Variants in SETBP1 observed in about 807,000 individuals in gnomAD.
SETBP1 encodes SET binding protein 1.
A neutral mutation model predicts 101.0 loss-of-function variants in SETBP1; 9 were observed. The ratio of observed to expected loss-of-function variants is 0.09; its 90% CI spans 0.05 to 0.16. SETBP1 has a LOEUF of 0.16. Among genes scored for constraint, SETBP1 ranks in the 10% least tolerant of loss-of-function variants. The pLI, the probability that SETBP1 is intolerant of heterozygous loss-of-function variation, is 1.00. For missense variants in SETBP1, 1,858 were observed against 2,033.8 expected, an observed-to-expected ratio of 0.91 and a Z score of 1.66; for synonymous variants, 818 against 788.5, an observed-to-expected ratio of 1.04 and a Z score of -0.63.
intron 3 of SETBP1, among the ~76,000 whole-genome samples, chr18:44,901,326 T>C (rs920418857): frequency 3.3e-5 from 5 of 152,194 alleles, no homozygotes; most frequent in South Asian, 2.1e-4. Context: ...AGCAATGGCA[T>C]TGAAAAGTTG....
chr18:45,033,112 T>C (rs1321732115), intron 4 of SETBP1, among the ~76,000 whole-genome samples: 3 of 152,224 alleles, frequency 2.0e-5, no homozygotes, highest in South Asian at 2.1e-4. Flanking sequence ...ATGAAGTTCA[T>C]TTGCAAACAA....
chr18:45,025,395 C>T (rs1333064185), intron 4 of SETBP1, among the ~76,000 whole-genome samples: 2 of 152,166 alleles, frequency 1.3e-5, no homozygotes, highest in Non-Finnish European at 2.9e-5. Context: ...TTCTCCTCAT[C>T]CAATTGCTAA....
At chr18:45,038,200 G>A (rs954878629) in intron 4 of SETBP1, among the ~76,000 whole-genome samples, 3 of 152,100 alleles carry the variant, frequency 2.0e-5, no homozygotes, top group African/African-American at 7.2e-5. Context: ...TCCTCAAAAG[G>A]CAAAGGGGCA....
intron 4 of SETBP1, among the ~76,000 whole-genome samples, chr18:45,028,046 A>G (rs1362693722): frequency 6.6e-6 from 1 of 151,944 alleles, no homozygotes; most frequent in East Asian, 1.9e-4. Flanking sequence ...GTTTTAGGGT[A>G]CATGTGCACA....
intron 3 of SETBP1, among the ~76,000 whole-genome samples, chr18:44,879,959 G>T (rs759269447): frequency 8.5e-5 from 13 of 152,172 alleles, no homozygotes; most frequent in Non-Finnish European, 1.5e-4. Flanking sequence ...TTCAACCACA[G>T]AGTATTGCCT....
At chr18:44,885,176 C>T (rs978560195) in intron 3 of SETBP1, among the ~76,000 whole-genome samples, 21 of 152,070 alleles carry the variant, frequency 1.4e-4, no homozygotes, top group African/African-American at 5.1e-4. Flanking sequence ...TAAGAAATTC[C>T]CTTTGCAACC....
At chr18:44,972,596 C>T (rs1468730623) in intron 4 of SETBP1, among the ~76,000 whole-genome samples, 2 of 152,124 alleles carry the variant, frequency 1.3e-5, no homozygotes, top group Non-Finnish European at 2.9e-5. Flanking sequence ...CTTCACATCC[C>T]TTGTAAGTTG....
chr18:45,039,030 A>T (rs1599482198), intron 5 of SETBP1, among the ~76,000 whole-genome samples: 1 of 152,122 alleles, frequency 6.6e-6, no homozygotes, highest in Non-Finnish European at 1.5e-5. Context: ...TTGTATCCTC[A>T]TTTTCAGAAG....
At chr18:44,947,330 AGGAGTTAGG>A (rs2071230360) in intron 3 of SETBP1, among the ~76,000 whole-genome samples, 1 of 152,036 alleles carries the variant, frequency 6.6e-6, no homozygotes, top group African/African-American at 2.4e-5. Flanking sequence ...AAAAAACGGT[AGGAGTTAGG>A]GCCCAAGATC....
intron 5 of SETBP1, among the ~76,000 whole-genome samples, chr18:45,049,320 T>C (rs2145545013): frequency 6.6e-6 from 1 of 152,258 alleles, no homozygotes; most frequent in East Asian, 1.9e-4. Flanking sequence ...AAGGGAAATT[T>C]GAGATCAGAA....
rs531974601 is a variant in SETBP1, at chr18:44,703,348, G to GTTTTTTTTTTTTTTTTTTTTTTTTT, written c.486+1538_486+1562dup. ...TCCATAGCATTTCTGTTACCATTAG[G>GTTTTTTTTTTTTTTTTTTTTTTTTT]TTTTTTTTTTTTTTTTTTTTTTTTT... On this transcript the variant is annotated intron_variant, in intron 2 of 5. Transcript: ENST00000649279. 2.3e-4 allele frequency among the ~76,000 whole-genome samples: 12 copies of GTTTTTTTTTTTTTTTTTTTTTTTTT among 51,444 alleles called. 2 individuals are homozygous for GTTTTTTTTTTTTTTTTTTTTTTTTT. Among genetic ancestry groups the GTTTTTTTTTTTTTTTTTTTTTTTTT allele is most frequent in the Admixed American group, 5.4e-4 (2 of 3,702 alleles). The allele number at this position is 51,444 out of a possible 152,430, so 33.7% of individuals were successfully genotyped here.
intron 2 of SETBP1, among the ~76,000 whole-genome samples, chr18:44,781,480 T>C (rs2071129149): frequency 6.6e-6 from 1 of 150,548 alleles, no homozygotes; most frequent in Non-Finnish European, 1.5e-5. Context: ...TCTGTCTCTG[T>C]CTCTCTCTCT....
rs643482 is a variant in SETBP1, at chr18:44,861,234, T to C, written c.487-7996T>C. Among the ~76,000 whole-genome samples, 254 of 85,554 alleles carry C rather than the reference T, an allele frequency of 3.0e-3. 1 individual carries two copies. Among genetic ancestry groups the C allele is most frequent in the Middle Eastern group, 5.3e-3 (1 of 188 alleles). The allele number at this position is 85,554 out of a possible 152,430, so 56.1% of individuals were successfully genotyped here. ...GTGGATTTCCTTTTTCTTTTCTTTTTTTTTTTTTTTTTTTTTTTTTTTGAG... is the reference window on the plus strand; with the variant it reads ...GTGGATTTCCTTTTTCTTTTCTTTTCTTTTTTTTTTTTTTTTTTTTTTGAG... On this transcript the variant is annotated intron_variant, in intron 2 of 5. Coordinates refer to ENST00000649279, the MANE Select transcript of SETBP1 (RefSeq NM_015559.3).
At chr18:45,024,606 C>T (rs181654558) in intron 4 of SETBP1, among the ~76,000 whole-genome samples, 3 of 152,320 alleles carry the variant, frequency 2.0e-5, no homozygotes, top group Admixed American at 1.3e-4. Context: ...TATTAAAATA[C>T]TTCCCTTTTA....
At chr18:44,703,847 G>C (rs1050801391) in intron 2 of SETBP1, among the ~76,000 whole-genome samples, 1 of 152,166 alleles carries the variant, frequency 6.6e-6, no homozygotes, top group African/African-American at 2.4e-5. Flanking sequence ...TTCAAATCAG[G>C]CTCTGAAAGT....
chr18:45,042,688 T>G (rs559481187), intron 5 of SETBP1, among the ~76,000 whole-genome samples: 1 of 152,336 alleles, frequency 6.6e-6, no homozygotes, highest in African/African-American at 2.4e-5. Context: ...GGTCCCCCAA[T>G]TTTTTTGTTT....
Position 44,995,628 on chromosome 18 carries a change from A to G in SETBP1, c.4000+42288A>G, listed in dbSNP as rs1599425496. The stretch of plus-strand genomic sequence containing the variant: ...TCTGTATTCATCCATTTATGCTGCT[A>G]GTAATTCGTAAAGAACAGAAATTTA... On this transcript the variant is annotated intron_variant, in intron 4 of 5. Transcript: ENST00000649279. Among the ~76,000 whole-genome samples, 3 of 151,738 alleles carry G rather than the reference A, an allele frequency of 2.0e-5. No homozygotes were observed. In the East Asian group the frequency reaches 5.8e-4, roughly 29 times the overall value.
chr18:44,891,885 G>A (rs536273631), intron 3 of SETBP1, among the ~76,000 whole-genome samples: 1 of 152,072 alleles, frequency 6.6e-6, no homozygotes, highest in Admixed American at 6.6e-5. Context: ...AACTGTAAAA[G>A]ACATTATTTT....
At chr18:44,806,298 T>C (rs189889843) in intron 2 of SETBP1, among the ~76,000 whole-genome samples, 1 of 152,342 alleles carries the variant, frequency 6.6e-6, no homozygotes, top group Admixed American at 6.5e-5. Context: ...TGTGAATCTG[T>C]CTTCTGCCAC....
Sources: allele counts gnomAD v4.1 joint callset (sites outside exome capture counted in the v4.1 genomes callset), GRCh38; gene constraint gnomAD v4.1.1; transcripts MANE v1.5; gene names NCBI Gene and HGNC (gene_info 2026-07-23, HGNC 2026-07-21).